CLPB: variants seen among roughly 807,000 people sequenced by gnomAD.
CLPB encodes the protein mitochondrial disaggregase.
A neutral mutation model predicts 78.4 loss-of-function variants in CLPB; 40 were observed. The ratio of observed to expected loss-of-function variants is 0.51; its 90% CI spans 0.40 to 0.66. The LOEUF (loss-of-function observed/expected upper bound fraction) is 0.66. Ranked by LOEUF, CLPB falls within the 30% of genes least tolerant of loss-of-function variation. The pLI, the probability that CLPB is intolerant of heterozygous loss-of-function variation, is 0.00. For synonymous variants in CLPB, 333 were observed against 348.0 expected, an observed-to-expected ratio of 0.96 and a Z score of 0.48; for missense variants, 780 against 886.9, an observed-to-expected ratio of 0.88 and a Z score of 1.53.
chr11:72,371,468 G>A (rs1345041125), intron 4 of CLPB, among the ~76,000 whole-genome samples: 1 of 151,750 alleles, frequency 6.6e-6, no homozygotes, highest in Non-Finnish European at 1.5e-5. Flanking sequence ...GGCGGAGGTT[G>A]CAGAGAGCTG....
chr11:72,302,959 T>A (rs1949686221), intron 9 of CLPB: 1 of 153,838 alleles, frequency 6.5e-6, no homozygotes. Flanking sequence ...AAGATATCCA[T>A]AACATAGCTT....
intron 5 of CLPB, among the ~76,000 whole-genome samples, chr11:72,340,896 G>A (rs1159586567): frequency 3.3e-5 from 5 of 152,268 alleles, no homozygotes; most frequent in South Asian, 2.1e-4. Context: ...TGTCGTCCAC[G>A]CTGGAGTGCA....
chr11:72,349,565 T>G (rs1310273195), intron 5 of CLPB, among the ~76,000 whole-genome samples: 1 of 152,238 alleles, frequency 6.6e-6, no homozygotes, highest in Non-Finnish European at 1.5e-5. Flanking sequence ...GACACTTGGT[T>G]CTGGTCATCC....
At chr11:72,335,165 G>A (rs1418500207) in intron 5 of CLPB, among the ~76,000 whole-genome samples, 1 of 152,174 alleles carries the variant, frequency 6.6e-6, no homozygotes, top group African/African-American at 2.4e-5. Flanking sequence ...GATGCTGATT[G>A]GTGCCACTAT....
rs1054566628 is a variant in CLPB, at chr11:72,286,832, T to C, written c.*6535A>G. 6.6e-6 allele frequency: 1 copy of C among 151,302 alleles called. No homozygotes were observed. Among genetic ancestry groups the C allele is most frequent in the African/African-American group, 2.4e-5 (1 of 41,100 alleles). 9.4% of individuals were successfully genotyped at this position (151,302 alleles called of 1,614,324 possible). On this transcript the variant is annotated 3_prime_UTR_variant, in exon 16 of 16. Coordinates refer to ENST00000538039, the MANE Select transcript of CLPB (RefSeq NM_001258392.3). ...GTGTGTGTGTGTGTGTGTGTGTGTGTAGTTATCTGAAATACTGGCAAACCA... is the reference window on the plus strand; with the variant it reads ...GTGTGTGTGTGTGTGTGTGTGTGTGCAGTTATCTGAAATACTGGCAAACCA...
intron 2 of CLPB, among the ~76,000 whole-genome samples, chr11:72,410,415 T>C (rs747164982): frequency 6.6e-6 from 1 of 152,132 alleles, no homozygotes; most frequent in Non-Finnish European, 1.5e-5. Context: ...CCCTACTATA[T>C]ATGTCACATA....
At chr11:72,362,984 C>T (rs1950869012) in intron 4 of CLPB, among the ~76,000 whole-genome samples, 1 of 151,982 alleles carries the variant, frequency 6.6e-6, no homozygotes, top group African/African-American at 2.4e-5. Context: ...GGCGAAACAC[C>T]AACTCTACAA....
chr11:72,337,496 C>T (rs949610846), intron 5 of CLPB, among the ~76,000 whole-genome samples: 1 of 152,076 alleles, frequency 6.6e-6, no homozygotes, highest in Non-Finnish European at 1.5e-5. Flanking sequence ...GGTATAATGC[C>T]TTTATATACA....
intron 5 of CLPB, among the ~76,000 whole-genome samples, chr11:72,356,527 T>A (rs981435875): frequency 6.6e-6 from 1 of 151,982 alleles, no homozygotes; most frequent in Non-Finnish European, 1.5e-5. Context: ...TGACGGCAAC[T>A]TGTTCAGGGT....
At chr11:72,296,513 C>T (rs1422405549) in intron 11 of CLPB, among the ~76,000 whole-genome samples, 2 of 152,208 alleles carry the variant, frequency 1.3e-5, no homozygotes, top group Non-Finnish European at 2.9e-5. Context: ...TTGAAGGGTA[C>T]AGAGCCCCGC....
At chr11:72,407,278 C>A (rs1182869294) in intron 2 of CLPB, among the ~76,000 whole-genome samples, 1 of 152,360 alleles carries the variant, frequency 6.6e-6, no homozygotes, top group South Asian at 2.1e-4. Flanking sequence ...GACCCTTCCA[C>A]AAGCAGGACA....
chr11:72,292,207 T>C lies in CLPB; in HGVS notation c.*1160A>G, dbSNP rs977222498. ...GCTTCCATTACCCAAGGGACTTTGA[T>C]TCCTGGCCCCATTCTCTGCTTCCTG... On this transcript the variant is annotated 3_prime_UTR_variant, in exon 16 of 16. Coordinates refer to ENST00000538039, the MANE Select transcript of CLPB (RefSeq NM_001258392.3). 6.6e-6 allele frequency: 1 copy of C among 152,258 alleles called. No homozygotes were observed. The highest frequency in any genetic ancestry group is 1.5e-5 in the Non-Finnish European group (1 of 68,122). 9.4% of individuals were successfully genotyped at this position (152,258 alleles called of 1,614,324 possible). A position where few individuals can be genotyped will look rare whatever the true frequency, so the allele number is the denominator to read the frequency against.
chr11:72,299,154 C>A (rs138580895), intron 11 of CLPB, among the ~76,000 whole-genome samples: 207 of 152,336 alleles, frequency 1.4e-3, no homozygotes, highest in South Asian at 7.5e-3. Context: ...CAACTGGCAG[C>A]AGCCAACTGG....
chr11:72,416,403 A>G (rs1004000013), intron 2 of CLPB, among the ~76,000 whole-genome samples: 5 of 152,130 alleles, frequency 3.3e-5, no homozygotes, highest in African/African-American at 1.2e-4. Context: ...CTCAATGCCT[A>G]ATAAGAAATT....
intron 6 of CLPB, among the ~76,000 whole-genome samples, chr11:72,323,367 G>A (rs912938063): frequency 1.1e-4 from 16 of 152,108 alleles, no homozygotes; most frequent in African/African-American, 3.6e-4. Flanking sequence ...AAGAGATCGA[G>A]ACCATCCTAG....
At chr11:72,396,228 A>T (rs1855402047) in intron 3 of CLPB, among the ~76,000 whole-genome samples, 1 of 152,112 alleles carries the variant, frequency 6.6e-6, no homozygotes, top group Non-Finnish European at 1.5e-5. Context: ...CAAGCAGGGA[A>T]GGCAGTGCCG....
intron 3 of CLPB, among the ~76,000 whole-genome samples, chr11:72,392,591 A>T (rs1000962958): frequency 6.6e-6 from 1 of 152,238 alleles, no homozygotes; most frequent in Non-Finnish European, 1.5e-5. Flanking sequence ...TCAAATGAGG[A>T]TAATGTTTAT....
intron 4 of CLPB, among the ~76,000 whole-genome samples, chr11:72,370,683 T>C (rs1951025628): frequency 6.6e-6 from 1 of 152,260 alleles, no homozygotes. Context: ...GAGGCAGTTC[T>C]GCTGGCATTT....
chr11:72,428,758 A>G (rs1443056579), intron 2 of CLPB: 1 of 152,280 alleles, frequency 6.6e-6, no homozygotes, highest in African/African-American at 2.4e-5. Flanking sequence ...GACACTATCC[A>G]CACGAGAATG....
Sources: allele counts gnomAD v4.1 joint callset (sites outside exome capture counted in the v4.1 genomes callset), GRCh38; gene constraint gnomAD v4.1.1; transcripts MANE v1.5; gene names NCBI Gene and HGNC (gene_info 2026-07-23, HGNC 2026-07-21).